The following CDH18 variants were observed in gnomAD, a reference collection of about 807,000 sequenced individuals.
CDH18 encodes cadherin 18, also known as cadherin-18.
CDH18 carries 31 observed loss-of-function variants against 67.9 expected under a neutral mutation model. That is an observed-to-expected ratio of 0.46 (90% CI 0.34 to 0.62). The LOEUF (loss-of-function observed/expected upper bound fraction) is 0.62. Ranked by LOEUF, CDH18 falls within the 20% of genes least tolerant of loss-of-function variation. The pLI is 0.01. For missense variants in CDH18, 890 were observed against 975.5 expected (o/e 0.91, Z 1.17); for synonymous variants, 362 against 347.2 (o/e 1.04, Z -0.48).
intron 2 of CDH18, among the ~76,000 whole-genome samples, chr5:20,233,639 CGTGT>C (rs201524098): frequency 1.3e-5 from 2 of 151,622 alleles, no homozygotes; most frequent in Admixed American, 6.6e-5. Flanking sequence ...CACAGACATG[CGTGT>C]GTGTGTGTTT....
intron 1 of CDH18, among the ~76,000 whole-genome samples, chr5:20,573,566 G>A (rs1167365942): frequency 6.6e-6 from 1 of 150,502 alleles, no homozygotes; most frequent in Non-Finnish European, 1.5e-5. Flanking sequence ...AAATAAAATG[G>A]AATTATTAAA....
chr5:19,873,473 T>C (rs1460227889), intron 2 of CDH18, among the ~76,000 whole-genome samples: 2 of 151,928 alleles, frequency 1.3e-5, no homozygotes, highest in Non-Finnish European at 2.9e-5. Flanking sequence ...AGAAGAGGCT[T>C]AGGAAAGGCA....
At chr5:20,525,887 TG>T (rs1756021649) in intron 1 of CDH18, among the ~76,000 whole-genome samples, 1 of 152,164 alleles carries the variant, frequency 6.6e-6, no homozygotes, top group Non-Finnish European at 1.5e-5. Flanking sequence ...CAATATTTTA[TG>T]ACTCAAAAGT....
At chr5:20,514,602 T>C (rs1755245229) in intron 1 of CDH18, among the ~76,000 whole-genome samples, 1 of 152,102 alleles carries the variant, frequency 6.6e-6, no homozygotes, top group Non-Finnish European at 1.5e-5. Context: ...TGTGCTTGGG[T>C]TGCATGTGTG....
chr5:20,132,483 TTTG>T (rs1561816542), intron 2 of CDH18, among the ~76,000 whole-genome samples: 1 of 152,034 alleles, frequency 6.6e-6, no homozygotes, highest in Non-Finnish European at 1.5e-5. Context: ...CTATTCAAAT[TTTG>T]TTGTTGTTTT....
At chr5:19,579,310 T>C (rs1262524731) in intron 7 of CDH18, among the ~76,000 whole-genome samples, 1 of 151,958 alleles carries the variant, frequency 6.6e-6, no homozygotes, top group Non-Finnish European at 1.5e-5. Context: ...TTCTGTTCCT[T>C]CTTTTTATGA....
At chr5:20,255,822 A>G (rs1276267638) in intron 1 of CDH18, among the ~76,000 whole-genome samples, 1 of 152,084 alleles carries the variant, frequency 6.6e-6, no homozygotes, top group Non-Finnish European at 1.5e-5. Context: ...GTTACAATTT[A>G]TTTAAACACT....
chr5:19,943,300 C>A (rs2150238127), intron 2 of CDH18, among the ~76,000 whole-genome samples: 1 of 152,168 alleles, frequency 6.6e-6, no homozygotes, highest in South Asian at 2.1e-4. Flanking sequence ...TCTCTTGAAT[C>A]TAAATGCCAT....
chr5:19,866,131 A>T (rs1785461633), intron 2 of CDH18, among the ~76,000 whole-genome samples: 1 of 152,218 alleles, frequency 6.6e-6, no homozygotes, highest in African/African-American at 2.4e-5. Context: ...GCTTCTGAAA[A>T]CAGAAACCAA....
rs551810381 is a variant in CDH18, at chr5:20,008,933, G to A, written c.-517-16919C>T. On this transcript the variant is annotated intron_variant, in intron 2 of 14. Transcript: ENST00000507958. ...ATAAGGAAAAGCTCCTATCTAATGA[G>A]AGACGTTAGTCAAGAGGAATAGAAT... 1.2e-4 allele frequency among the ~76,000 whole-genome samples: 18 copies of A among 152,216 alleles called. No individual in the cohort carries two copies. The South Asian group carries it at 2.1e-3, about 18-fold the overall frequency.
intron 2 of CDH18, among the ~76,000 whole-genome samples, chr5:20,234,381 T>C (rs1333224528): frequency 6.6e-6 from 1 of 152,154 alleles, no homozygotes; most frequent in Non-Finnish European, 1.5e-5. Context: ...CTACCTATCA[T>C]TCTATCTCTA....
chr5:19,946,894 G>A (rs1258205138), intron 2 of CDH18, among the ~76,000 whole-genome samples: 1 of 152,096 alleles, frequency 6.6e-6, no homozygotes, highest in Non-Finnish European at 1.5e-5. Context: ...CATCGGTCAA[G>A]TGGGGTTTAT....
At chr5:20,326,564 A>AGTCTC (rs1478991556) in intron 1 of CDH18, among the ~76,000 whole-genome samples, 1 of 136,796 alleles carries the variant, frequency 7.3e-6, no homozygotes, top group Non-Finnish European at 1.5e-5. Context: ...TTTGAGATGG[A>AGTCTC]GTCTCGCTCT....
chr5:20,292,808 T>G (rs1487313661), intron 1 of CDH18, among the ~76,000 whole-genome samples: 2 of 152,152 alleles, frequency 1.3e-5, no homozygotes, highest in Non-Finnish European at 2.9e-5. Context: ...ATCTTCCCTG[T>G]GTGTGTGTTA....
Position 19,846,407 on chromosome 5 carries a change from A to G in CDH18, c.-256-7165T>C, listed in dbSNP as rs548020070. Among the ~76,000 whole-genome samples, 37 of 152,254 alleles carry G rather than the reference A, an allele frequency of 2.4e-4. No individual in the cohort carries two copies. In the South Asian group the frequency reaches 6.8e-3, roughly 28 times the overall value. ...CTTTTGTCTTTTACCTTCATACCAG[A>G]ATTTAAAGTGATTTACACAACACTG... On this transcript the variant is annotated intron_variant, in intron 2 of 12. Transcript: ENST00000382275.
chr5:19,965,460 A>C (rs1455255837), intron 2 of CDH18, among the ~76,000 whole-genome samples: 1 of 152,182 alleles, frequency 6.6e-6, no homozygotes, highest in Non-Finnish European at 1.5e-5. Context: ...ATCTGACTTT[A>C]CTATATGTTT....
rs777265512 is a variant in CDH18 at position 20,519,942 on chromosome 5, C to CTTTTTTTTTTTTTTTTTTTTTT, written c.-580+55498_-580+55519dup. ...AGGCTGGAGTACAACACAGTCTTGGCTTTTTTTTTTTTTTTTTTTTTTTTT... is the reference window on the plus strand; with the variant it reads ...AGGCTGGAGTACAACACAGTCTTGGCTTTTTTTTTTTTTTTTTTTTTTTTTTTTTTTTTTTTTTTTTTTTTTT... On this transcript the variant is annotated intron_variant, in intron 1 of 14. Transcript: ENST00000507958. 5.5e-4 allele frequency among the ~76,000 whole-genome samples: 23 copies of CTTTTTTTTTTTTTTTTTTTTTT among 41,688 alleles called. 9 individuals carry two copies. Among genetic ancestry groups the CTTTTTTTTTTTTTTTTTTTTTT allele is most frequent in the African/African-American group, 9.8e-4 (11 of 11,260 alleles). 27.3% of individuals were successfully genotyped at this position (41,688 alleles called of 152,430 possible).
chr5:19,631,682 G>A (rs1049602205), intron 5 of CDH18, among the ~76,000 whole-genome samples: 19 of 11,394 alleles, frequency 1.7e-3, no homozygotes, highest in African/African-American at 3.2e-3. Context: ...TTGAACTACG[G>A]GAAGATATTA....
chr5:20,245,016 T>C (rs1161774850), intron 2 of CDH18, among the ~76,000 whole-genome samples: 1 of 152,128 alleles, frequency 6.6e-6, no homozygotes, highest in Non-Finnish European at 1.5e-5. Flanking sequence ...TTGGTATCCC[T>C]CTTGCTGATT....
Sources: gnomAD v4.1 joint callset for allele counts (sites outside exome capture counted in the v4.1 genomes callset) on GRCh38, gnomAD v4.1.1 for gene constraint, MANE v1.5 for transcripts, NCBI Gene and HGNC (gene_info 2026-07-23, HGNC 2026-07-21) for gene names.